Variants in GALNT2 observed in about 807,000 individuals in gnomAD.
The protein encoded by GALNT2 is polypeptide N-acetylgalactosaminyltransferase 2.
GALNT2 carries 31 observed loss-of-function variants against 81.4 expected under a neutral mutation model. The observed-to-expected ratio is 0.38, with a 90% confidence interval of 0.29 to 0.51. The LOEUF is 0.51. Among genes scored for constraint, GALNT2 ranks in the 20% least tolerant of loss-of-function variants. GALNT2 has a pLI of 0.87. For synonymous variants in GALNT2, 303 were observed against 287.4 expected (o/e 1.05, Z -0.55); for missense variants, 629 against 765.7 (o/e 0.82, Z 2.11).
intron 1 of GALNT2, among the ~76,000 whole-genome samples, chr1:230,141,689 A>G (rs542322530): frequency 3.3e-5 from 5 of 151,504 alleles, no homozygotes; most frequent in South Asian, 2.1e-4. Flanking sequence ...CTAGTCACCC[A>G]TTGATGGACA....
At chr1:230,145,989 G>A (rs184604950) in intron 1 of GALNT2, among the ~76,000 whole-genome samples, 5 of 152,334 alleles carry the variant, frequency 3.3e-5, no homozygotes, top group Admixed American at 1.3e-4. Flanking sequence ...GCTTTGGGCT[G>A]TAGTGGACCT....
At chr1:230,219,871 CT>C (rs1292061251) in intron 3 of GALNT2, among the ~76,000 whole-genome samples, 1 of 152,184 alleles carries the variant, frequency 6.6e-6, no homozygotes, top group Non-Finnish European at 1.5e-5. Flanking sequence ...GATTGCTGCC[CT>C]TGCTTGAGAC....
chr1:230,200,867 C>T (rs983724812), intron 2 of GALNT2, among the ~76,000 whole-genome samples: 3 of 152,176 alleles, frequency 2.0e-5, no homozygotes, highest in Admixed American at 2.0e-4. Context: ...TTCAAAGTTC[C>T]GTGGTGCAGG....
At chr1:230,063,023 G>A (rs1659085925), upstream of GALNT2, among the ~76,000 whole-genome samples, 1 of 152,008 alleles carries the variant, frequency 6.6e-6, no homozygotes, top group Non-Finnish European at 1.5e-5. Flanking sequence ...TTTTAAAAAT[G>A]TTTTATAGGC....
rs1291335161 is a variant in GALNT2, at chr1:230,236,354, G to A, written c.475G>A (p.Val159Met). ...RSALLRTVVS[V>M]LKKSPPHLIK... ...CTTTATCTTCTTGTCTTTTCTTAGC[G>A]TGCTTAAGAAAAGCCCGCCCCATCT... Residue 159 changes from valine to methionine, a missense_variant and splice_region_variant, in exon 5 of 16, where the codon GTG (valine) becomes ATG (methionine). Val to Met is a conservative substitution (Grantham distance 21, BLOSUM62 1). Coordinates refer to ENST00000366672, the MANE Select transcript of GALNT2 (RefSeq NM_004481.5). The A allele has an allele frequency of 3.1e-6, 5 of 1,613,472 alleles. No homozygotes were observed. The highest frequency in any genetic ancestry group is 2.2e-5 in the East Asian group (1 of 44,884).
At chr1:230,277,968 C>T (rs1477844023) in intron 15 of GALNT2, among the ~76,000 whole-genome samples, 1 of 151,728 alleles carries the variant, frequency 6.6e-6, no homozygotes. Flanking sequence ...GGTGAAGGAG[C>T]TTTCGTGCAC....
At chr1:230,172,952 G>A (rs760025698) in intron 1 of GALNT2, among the ~76,000 whole-genome samples, 3 of 152,110 alleles carry the variant, frequency 2.0e-5, no homozygotes, top group African/African-American at 7.2e-5. Flanking sequence ...AGTAGACGTC[G>A]CTCAGCCATG....
At chr1:230,258,638 A>G (rs1263942989) in intron 11 of GALNT2, 1 of 152,232 alleles carries the variant, frequency 6.6e-6, no homozygotes, top group African/African-American at 2.4e-5. Context: ...GCAAAATAAC[A>G]AGTAATGCTT....
intron 1 of GALNT2, among the ~76,000 whole-genome samples, chr1:230,088,829 G>A (rs1268918195): frequency 5.3e-5 from 8 of 151,842 alleles, no homozygotes; most frequent in Non-Finnish European, 5.9e-5. Context: ...GAGCCACCGC[G>A]CCCGGCCACT....
intron 2 of GALNT2, among the ~76,000 whole-genome samples, chr1:230,190,748 T>C (rs1558132137): frequency 6.6e-6 from 1 of 152,140 alleles, no homozygotes. Context: ...CATCTCTGCT[T>C]GGGCGATATA....
chr1:230,204,922 T>C (rs916569600), intron 3 of GALNT2, among the ~76,000 whole-genome samples: 4 of 151,868 alleles, frequency 2.6e-5, no homozygotes, highest in African/African-American at 9.7e-5. Context: ...TGTAGCTCCA[T>C]GGGTTGGGCA....
chr1:230,148,503 C>T (rs1050169591), intron 1 of GALNT2, among the ~76,000 whole-genome samples: 7 of 152,266 alleles, frequency 4.6e-5, no homozygotes, highest in Admixed American at 4.6e-4. Flanking sequence ...CCACGCCTTG[C>T]TTCTAGCGGT....
At position 230,271,995 on chromosome 1, in the gene GALNT2, A is replaced by G. The variant is rs1666172239; in HGVS notation, c.1441-2450A>G. On this transcript the variant is annotated intron_variant, in intron 14 of 15. Coordinates refer to ENST00000366672, the MANE Select transcript of GALNT2 (RefSeq NM_004481.5). The surrounding 1 kb of genome is among the most constrained non-coding windows in gnomAD (Gnocchi z 4.2). ...TAGAGTTGCTTCATTAGAACAAGAC[A>G]CTCCCATCACCCAATAAATTCCAAG... is the stretch of plus-strand genomic sequence containing the variant. Among the ~76,000 whole-genome samples, 1 of 152,046 alleles carries G rather than the reference A, an allele frequency of 6.6e-6. No homozygotes were observed. Among genetic ancestry groups the G allele is most frequent in the Non-Finnish European group, 1.5e-5 (1 of 68,008 alleles).
intron 1 of GALNT2, among the ~76,000 whole-genome samples, chr1:230,111,963 G>T (rs1453472684): frequency 6.6e-6 from 1 of 150,736 alleles, no homozygotes; most frequent in Non-Finnish European, 1.5e-5. Context: ...CCTCTTGATT[G>T]CAAGCAAAAG....
chr1:230,096,157 A>G (rs1558081252), intron 1 of GALNT2, among the ~76,000 whole-genome samples: 2 of 152,088 alleles, frequency 1.3e-5, no homozygotes, highest in African/African-American at 2.4e-5. Context: ...TTTTGAGAGG[A>G]CGCATACCTC....
At chr1:230,229,174 C>T (rs1044625698) in intron 3 of GALNT2, among the ~76,000 whole-genome samples, 8 of 152,126 alleles carry the variant, frequency 5.3e-5, no homozygotes, top group African/African-American at 1.9e-4. Context: ...AAGCATCTGC[C>T]ACAGAGATTT....
At chr1:230,131,222 A>G (rs1042352392) in intron 1 of GALNT2, among the ~76,000 whole-genome samples, 3 of 152,102 alleles carry the variant, frequency 2.0e-5, no homozygotes, top group African/African-American at 4.8e-5. Context: ...TCTGCAGCAC[A>G]TAGACCTCGG....
intron 1 of GALNT2, among the ~76,000 whole-genome samples, chr1:230,069,635 T>C (rs1571924039): frequency 2.0e-5 from 3 of 152,176 alleles, no homozygotes; most frequent in African/African-American, 7.2e-5. Context: ...TGTAGTCTTC[T>C]TTCTTCCCCA....
chr1:230,075,254 T>A (rs954430368), intron 1 of GALNT2, among the ~76,000 whole-genome samples: 10 of 150,514 alleles, frequency 6.6e-5, no homozygotes, highest in African/African-American at 2.2e-4. Context: ...GCCTCCTGAG[T>A]GGCTAGGATT....
Sources: gnomAD v4.1 joint callset for allele counts (sites outside exome capture counted in the v4.1 genomes callset) on GRCh38, gnomAD v4.1.1 for gene constraint, Gnocchi (gnomAD v3.1) non-coding constraint, MANE v1.5 for transcripts, NCBI Gene and HGNC (gene_info 2026-07-23, HGNC 2026-07-21) for gene names.